Variants in MCTP1 observed in about 807,000 individuals in gnomAD.
MCTP1 encodes multiple C2 and transmembrane domain-containing protein 1.
MCTP1 carries 69 observed loss-of-function variants against 120.6 expected under a neutral mutation model. The observed-to-expected ratio is 0.57, with a 90% CI of 0.47 to 0.70. MCTP1 has a LOEUF of 0.70. Ranked by LOEUF, MCTP1 falls within the 30% of genes least tolerant of loss-of-function variation. The pLI, the probability that MCTP1 is intolerant of heterozygous loss-of-function variation, is 0.00. For missense variants in MCTP1, 1,203 were observed against 1,248.8 expected, an observed-to-expected ratio of 0.96 and a Z score of 0.55; for synonymous variants, 529 against 493.1, an observed-to-expected ratio of 1.07 and a Z score of -0.96.
chr5:95,141,251 C>T (rs331555), intron 1 of MCTP1, among the ~76,000 whole-genome samples: 1 of 151,976 alleles, frequency 6.6e-6, no homozygotes, highest in Non-Finnish European at 1.5e-5. Context: ...AAAAGTTAAC[C>T]TTTGCTTTAG....
chr5:95,230,820 G>GA (rs1452323346), intron 1 of MCTP1, among the ~76,000 whole-genome samples: 1 of 152,166 alleles, frequency 6.6e-6, no homozygotes, highest in Non-Finnish European at 1.5e-5. Flanking sequence ...ACAGCTGTAA[G>GA]AACATCCCCA....
At chr5:95,105,728 A>G (rs2152379985) in intron 1 of MCTP1, among the ~76,000 whole-genome samples, 1 of 152,290 alleles carries the variant, frequency 6.6e-6, no homozygotes, top group Middle Eastern at 3.4e-3. Flanking sequence ...GAGTAGCAGG[A>G]GGAAATGTTA....
chr5:95,037,078 C>T (rs571102481), intron 1 of MCTP1, among the ~76,000 whole-genome samples: 1 of 152,288 alleles, frequency 6.6e-6, no homozygotes, highest in East Asian at 1.9e-4. Context: ...AACATGACAA[C>T]AGGAGTTTCA....
intron 1 of MCTP1, among the ~76,000 whole-genome samples, chr5:95,265,012 C>T (rs1261721999): frequency 6.6e-6 from 1 of 152,116 alleles, no homozygotes; most frequent in Non-Finnish European, 1.5e-5. Context: ...AGTTGAGCTC[C>T]TGTATCTTGC....
chr5:95,128,792 G>T (rs776801694), intron 1 of MCTP1, among the ~76,000 whole-genome samples: 1 of 152,164 alleles, frequency 6.6e-6, no homozygotes, highest in Non-Finnish European at 1.5e-5. Flanking sequence ...TATACTAAAA[G>T]GCAAGAATTA....
intron 1 of MCTP1, among the ~76,000 whole-genome samples, chr5:95,092,219 A>G (rs1421977800): frequency 6.6e-6 from 1 of 152,190 alleles, no homozygotes; most frequent in East Asian, 1.9e-4. Flanking sequence ...ATAAAATGCA[A>G]GAGGAAAGAG....
At chr5:94,810,429 C>A (rs1380922376) in intron 17 of MCTP1, among the ~76,000 whole-genome samples, 1 of 152,116 alleles carries the variant, frequency 6.6e-6, no homozygotes, top group Non-Finnish European at 1.5e-5. Flanking sequence ...TGAACAGGTA[C>A]AATATTTAGG....
intron 18 of MCTP1, among the ~76,000 whole-genome samples, chr5:94,794,227 T>TA (rs1419246306): frequency 2.6e-5 from 4 of 152,218 alleles, no homozygotes; most frequent in Non-Finnish European, 5.9e-5. Flanking sequence ...AAAGTGTACT[T>TA]AAAAAACATT....
intron 5 of MCTP1, among the ~76,000 whole-genome samples, chr5:94,932,268 GA>G (rs201194865): frequency 1.1e-4 from 15 of 137,956 alleles, no homozygotes; most frequent in Non-Finnish European, 4.7e-5. Flanking sequence ...TTTATTGACT[GA>G]AAAAAAACAC....
chr5:94,857,133 C>A (rs1272800813), intron 17 of MCTP1, among the ~76,000 whole-genome samples: 1 of 151,678 alleles, frequency 6.6e-6, no homozygotes, highest in East Asian at 1.9e-4. Flanking sequence ...TTCTCAGCTT[C>A]ATCTGCTACT....
At chr5:94,742,120 G>C (rs1765658711) in intron 19 of MCTP1, among the ~76,000 whole-genome samples, 1 of 152,140 alleles carries the variant, frequency 6.6e-6, no homozygotes, top group Non-Finnish European at 1.5e-5. Flanking sequence ...CGGCTGGAAA[G>C]TGGAAGACTA....
At chr5:94,847,684 A>G (rs199698551) in intron 17 of MCTP1, among the ~76,000 whole-genome samples, 5,569 of 121,982 alleles carry the variant, frequency 0.046, 103 homozygotes, top group African/African-American at 0.093. Context: ...GTGTGTGTGT[A>G]TATATATATA....
At chr5:94,937,082 A>G (rs1816376981) in intron 5 of MCTP1, among the ~76,000 whole-genome samples, 1 of 152,114 alleles carries the variant, frequency 6.6e-6, no homozygotes, top group Non-Finnish European at 1.5e-5. Context: ...GCTGGCTCTG[A>G]ACAGACTTGA....
chr5:95,184,358 A>G (rs1466430687), intron 1 of MCTP1, among the ~76,000 whole-genome samples: 1 of 152,156 alleles, frequency 6.6e-6, no homozygotes, highest in Non-Finnish European at 1.5e-5. Flanking sequence ...GGTCCAGATA[A>G]TTTCACTGGA....
chr5:95,283,732 T>G, intron 1 of MCTP1, 124 bp downstream of exon 1: 1 of 681,884 alleles, frequency 1.5e-6, no homozygotes, highest in Non-Finnish European at 2.1e-6. Flanking sequence ...TTCATCTACT[T>G]AGAATTAATA....
At chr5:94,728,693 T>C (rs1762571702) in intron 19 of MCTP1, among the ~76,000 whole-genome samples, 1 of 152,172 alleles carries the variant, frequency 6.6e-6, no homozygotes, top group Non-Finnish European at 1.5e-5. Context: ...TAAATACTAG[T>C]TTTCTTCTCA....
At chr5:95,207,922 A>T (rs1751809147) in intron 1 of MCTP1, among the ~76,000 whole-genome samples, 1 of 114,760 alleles carries the variant, frequency 8.7e-6, no homozygotes. Flanking sequence ...AAAAAGAATG[A>T]GCGGGCGAGA....
intron 10 of MCTP1, among the ~76,000 whole-genome samples, chr5:94,903,733 T>A (rs61272210): frequency 6.6e-6 from 1 of 152,130 alleles, no homozygotes; most frequent in Non-Finnish European, 1.5e-5. Context: ...ACCTAAAATA[T>A]ATGTACCCCA....
intron 19 of MCTP1, among the ~76,000 whole-genome samples, chr5:94,725,611 G>C (rs1202139838): frequency 1.1e-4 from 16 of 152,158 alleles, no homozygotes; most frequent in Non-Finnish European, 2.2e-4. Flanking sequence ...GAGCTGAGAA[G>C]GCAGTTGAGA....
Sources: gnomAD v4.1 joint callset for allele counts (sites outside exome capture counted in the v4.1 genomes callset) on GRCh38, gnomAD v4.1.1 for gene constraint, MANE v1.5 for transcripts, NCBI Gene and HGNC (gene_info 2026-07-23, HGNC 2026-07-21) for gene names.